The following PPP2R2B variants were observed in gnomAD, a reference collection of about 807,000 sequenced individuals.
PPP2R2B encodes the protein serine/threonine-protein phosphatase 2A 55 kDa regulatory subunit B beta isoform.
PPP2R2B carries 5 observed loss-of-function variants against 46.0 expected under a neutral mutation model. That is an observed-to-expected ratio of 0.11 (90% CI 0.06 to 0.23). The LOEUF (loss-of-function observed/expected upper bound fraction) is 0.23. Ranked by LOEUF, PPP2R2B falls within the 10% of genes least tolerant of loss-of-function variation. The pLI, the probability that PPP2R2B is intolerant of heterozygous loss-of-function variation, is 1.00. For missense variants in PPP2R2B, 367 were observed against 575.0 expected, an observed-to-expected ratio of 0.64 and a Z score of 3.70; for synonymous variants, 215 against 206.7, an observed-to-expected ratio of 1.04 and a Z score of -0.34.
intron 1 of PPP2R2B, among the ~76,000 whole-genome samples, chr5:146,912,454 T>A (rs753114137): frequency 1.1e-4 from 16 of 151,900 alleles, no homozygotes; most frequent in Non-Finnish European, 1.9e-4. Flanking sequence ...TTAGGCATTC[T>A]GCATACTTGC....
At chr5:146,891,448 T>G (rs1762488607) in intron 1 of PPP2R2B, among the ~76,000 whole-genome samples, 1 of 152,272 alleles carries the variant, frequency 6.6e-6, no homozygotes, top group South Asian at 2.1e-4. Flanking sequence ...TTTATTCACT[T>G]GTGTAGTCTT....
At chr5:146,762,580 A>C (rs1303262614) in intron 2 of PPP2R2B, among the ~76,000 whole-genome samples, 1 of 152,206 alleles carries the variant, frequency 6.6e-6, no homozygotes, top group Non-Finnish European at 1.5e-5. Context: ...ACATATCTAC[A>C]TACTCTTTGG....
chr5:146,789,778 A>T (rs1756074698), intron 2 of PPP2R2B, among the ~76,000 whole-genome samples: 1 of 152,162 alleles, frequency 6.6e-6, no homozygotes, highest in Admixed American at 6.5e-5. Flanking sequence ...CTCTCTGAGG[A>T]GTGACAACTG....
chr5:147,019,786 C>T (rs913843667), intron 1 of PPP2R2B, among the ~76,000 whole-genome samples: 1 of 152,090 alleles, frequency 6.6e-6, no homozygotes, highest in African/African-American at 2.4e-5. Flanking sequence ...ATGTTAAAGC[C>T]ATCACTTAAA....
chr5:146,598,942 T>TGG (rs1561756490), intron 8 of PPP2R2B, among the ~76,000 whole-genome samples: 1 of 152,186 alleles, frequency 6.6e-6, no homozygotes, highest in African/African-American at 2.4e-5. Context: ...ACTAAGATCA[T>TGG]TGAATTGTGC....
At chr5:146,868,718 T>C (rs1041131856) in intron 2 of PPP2R2B, among the ~76,000 whole-genome samples, 5 of 152,224 alleles carry the variant, frequency 3.3e-5, no homozygotes, top group African/African-American at 4.8e-5. Flanking sequence ...AATTGGACCC[T>C]TGTATTGATT....
chr5:146,698,134 T>C lies in PPP2R2B; in HGVS notation c.179A>G (p.Gln60Arg). 3 of 1,593,494 alleles carry C rather than the reference T, an allele frequency of 1.9e-6. No homozygotes were observed. Among genetic ancestry groups the C allele is most frequent in the Non-Finnish European group, 8.5e-7 (1 of 1,173,542 alleles). Residue 60 changes from glutamine (Q) to arginine (R), a missense_variant, in exon 4 of 10, where the codon CAG (glutamine) becomes CGG (arginine). By Grantham distance (43) the Gln-to-Arg change is conservative (BLOSUM62 1). This residue lies in a region of PPP2R2B where 361 missense variants were observed against 545.5 expected (regional missense o/e 0.66). Coordinates refer to ENST00000394411, the MANE Select transcript of PPP2R2B (RefSeq NM_181675.4). ...IFQREQESKN[Q>R]VHRRGEYNVY... ...ATTGTATTCACCCCTACGATGAACC[T>C]GATTTTTACTCTGTAGGAAAGGAAA...
At chr5:147,051,753 C>CCT (rs1756831222) in intron 1 of PPP2R2B, among the ~76,000 whole-genome samples, 7 of 92,366 alleles carry the variant, frequency 7.6e-5, no homozygotes, top group Non-Finnish European at 1.0e-4. Context: ...GTTTTGCTTC[C>CCT]TTTTTTTTTT....
intron 5 of PPP2R2B, among the ~76,000 whole-genome samples, chr5:146,685,195 T>A (rs1425909718): frequency 6.7e-6 from 1 of 149,752 alleles, no homozygotes; most frequent in Non-Finnish European, 1.5e-5. Context: ...ATAGTCCTAA[T>A]AATAGTGAGG....
chr5:146,930,134 G>A (rs1763919910), intron 1 of PPP2R2B, among the ~76,000 whole-genome samples: 1 of 152,184 alleles, frequency 6.6e-6, no homozygotes, highest in Non-Finnish European at 1.5e-5. Context: ...TTATGTGATA[G>A]AAAGAGTGGA....
At chr5:147,005,797 C>G (rs1405518481) in intron 1 of PPP2R2B, among the ~76,000 whole-genome samples, 1 of 139,054 alleles carries the variant, frequency 7.2e-6, no homozygotes, top group African/African-American at 2.9e-5. Flanking sequence ...AAGAGAGAGA[C>G]AGACAAAGAA....
intron 2 of PPP2R2B, among the ~76,000 whole-genome samples, chr5:146,730,548 T>G (rs943845763): frequency 1.3e-5 from 2 of 152,098 alleles, no homozygotes; most frequent in Non-Finnish European, 1.5e-5. Flanking sequence ...AATTCCCACA[T>G]GTTGTGGGAG....
At chr5:146,643,350 G>A (rs1280434822) in intron 6 of PPP2R2B, among the ~76,000 whole-genome samples, 1 of 151,226 alleles carries the variant, frequency 6.6e-6, no homozygotes, top group Non-Finnish European at 1.5e-5. Context: ...CCTGATCCAT[G>A]GAGCCTATAT....
At chr5:146,605,109 C>T (rs1023865582) in intron 7 of PPP2R2B, among the ~76,000 whole-genome samples, 2 of 152,172 alleles carry the variant, frequency 1.3e-5, no homozygotes. Context: ...CATGTATTAA[C>T]TCACTCACTA....
intron 2 of PPP2R2B, among the ~76,000 whole-genome samples, chr5:146,843,133 G>A (rs143141208): frequency 0.041 from 6,311 of 152,332 alleles, 187 homozygotes; most frequent in African/African-American, 0.08. Flanking sequence ...GTTGCGGTGA[G>A]CCCAGATCGT....
intron 2 of PPP2R2B, among the ~76,000 whole-genome samples, chr5:146,794,839 T>C (rs935099728): frequency 6.6e-6 from 1 of 152,122 alleles, no homozygotes; most frequent in Non-Finnish European, 1.5e-5. Flanking sequence ...ATTTTAAGAA[T>C]TTTTCCAGAA....
In PPP2R2B at chr5:146,805,478, A is replaced by G. The variant is rs369727913; in HGVS notation, c.70+72524T>C. Among the ~76,000 whole-genome samples the G allele has an allele frequency of 5.5e-4, 84 of 152,372 alleles. 3 individuals carry two copies. In the South Asian group the frequency reaches 0.017, roughly 31 times the overall value. On this transcript the variant is annotated intron_variant, in intron 2 of 9. Transcript: ENST00000394411. ...ATCAATGGTTTTGAAAATGGAAAGC[A>G]GATAGATCATTCCTCATTTATCCAA...
Position 146,653,770 on chromosome 5 carries a change from A to G in PPP2R2B, c.448-3046T>C, listed in dbSNP as rs561619631. Among the ~76,000 whole-genome samples, 21 of 152,262 alleles carry G rather than the reference A, an allele frequency of 1.4e-4. No homozygotes were observed. In the South Asian group the frequency reaches 1.7e-3, roughly 12 times the overall value. On this transcript the variant is annotated intron_variant, in intron 5 of 9. Coordinates refer to ENST00000394411, the MANE Select transcript of PPP2R2B (RefSeq NM_181675.4). ...CTAATTTAGGCTGACATATTCCATG[A>G]TGTACTACTTAATGGGGAAGGGCTC...
rs575479228 is a variant in PPP2R2B, at chr5:146,742,162, A to G, written c.71-41020T>C. ...ACCATCTCAACAGCCGCCGGGGGGA[A>G]CTTTGCTGTGATACTGCAGGAAATT... On this transcript the variant is annotated intron_variant, in intron 2 of 9. Transcript: ENST00000394411. Among the ~76,000 whole-genome samples the G allele has an allele frequency of 1.6e-4, 24 of 152,300 alleles. No homozygotes were observed. In the East Asian group the frequency reaches 2.1e-3, roughly 13 times the overall value.
Sources: allele counts gnomAD v4.1 joint callset (sites outside exome capture counted in the v4.1 genomes callset), GRCh38; gene constraint gnomAD v4.1.1; regional missense constraint gnomAD v4.1.1; transcripts MANE v1.5; gene names NCBI Gene and HGNC (gene_info 2026-07-23, HGNC 2026-07-21).